CNTLN: variants seen among roughly 807,000 people sequenced by gnomAD.
CNTLN encodes the protein centlein, centrosomal protein.
A neutral mutation model predicts 180.0 loss-of-function variants in CNTLN; 212 were observed. That is an observed-to-expected ratio of 1.18 (90% CI 1.05 to 1.32). The LOEUF (loss-of-function observed/expected upper bound fraction) is 1.32. CNTLN is among the 40% of genes most tolerant of loss of function. CNTLN has a pLI of 0.00. For missense variants in CNTLN, 2,095 were observed against 1,610.9 expected, an observed-to-expected ratio of 1.30 and a Z score of -5.14; for synonymous variants, 722 against 563.1, an observed-to-expected ratio of 1.28 and a Z score of -3.99.
chr9:17,152,056 C>G (rs907527507), intron 2 of CNTLN, among the ~76,000 whole-genome samples: 1 of 151,926 alleles, frequency 6.6e-6, no homozygotes, highest in Non-Finnish European at 1.5e-5. Context: ...TTGCTTTTCT[C>G]CTTTATTAGT....
chr9:17,154,092 T>C (rs114397203), intron 2 of CNTLN, among the ~76,000 whole-genome samples: 1 of 152,108 alleles, frequency 6.6e-6, no homozygotes, highest in South Asian at 2.1e-4. Context: ...CTTGCATTAG[T>C]TTAGAACATG....
chr9:17,404,084 G>A (rs913430456), intron 15 of CNTLN, among the ~76,000 whole-genome samples: 1 of 151,738 alleles, frequency 6.6e-6, no homozygotes, highest in Non-Finnish European at 1.5e-5. Context: ...CTAAAAGACA[G>A]AGTTTATGGC....
intron 8 of CNTLN, among the ~76,000 whole-genome samples, chr9:17,326,149 A>G (rs2133078226): frequency 6.6e-6 from 1 of 152,228 alleles, no homozygotes; most frequent in African/African-American, 2.4e-5. Flanking sequence ...TGTGTTAACA[A>G]TGGCAATTTA....
At chr9:17,491,021 C>G (rs1588106298) in intron 25 of CNTLN, among the ~76,000 whole-genome samples, 1 of 152,028 alleles carries the variant, frequency 6.6e-6, no homozygotes, top group Admixed American at 6.6e-5. Flanking sequence ...GTTCACATAT[C>G]CAAACAAGGA....
chr9:17,185,771 T>TTGTGTGTGTGTGTGTGTGTG lies in CNTLN; in HGVS notation c.450-40420_450-40401dup, dbSNP rs371473319. ...CTTTGCTTTTTGAAATGTTTCCCAT[T>TTGTGTGTGTGTGTGTGTGTG]TGTGTGTGTGTGTGTGTGTGTGTGT... On this transcript the variant is annotated intron_variant, in intron 2 of 25. Coordinates refer to ENST00000380647, the MANE Select transcript of CNTLN (RefSeq NM_017738.4). 5.8e-3 allele frequency among the ~76,000 whole-genome samples: 829 copies of TTGTGTGTGTGTGTGTGTGTG among 143,696 alleles called. 10 individuals are homozygous for TTGTGTGTGTGTGTGTGTGTG. Among genetic ancestry groups the TTGTGTGTGTGTGTGTGTGTG allele is most frequent in the East Asian group, 0.015 (72 of 4,848 alleles). 94.3% of individuals were successfully genotyped at this position (143,696 alleles called of 152,430 possible).
intron 13 of CNTLN, among the ~76,000 whole-genome samples, chr9:17,371,895 AT>A (rs1824350700): frequency 6.6e-6 from 1 of 152,166 alleles, no homozygotes; most frequent in Non-Finnish European, 1.5e-5. Flanking sequence ...TAAGGAGGAA[AT>A]TTAAAAATTT....
At chr9:17,467,556 G>A (rs1588063012) in intron 23 of CNTLN, among the ~76,000 whole-genome samples, 2 of 151,688 alleles carry the variant, frequency 1.3e-5, no homozygotes, top group East Asian at 3.9e-4. Context: ...AAAATGAATT[G>A]ATAAAACATT....
At chr9:17,144,100 A>G (rs1818286009) in intron 2 of CNTLN, among the ~76,000 whole-genome samples, 1 of 152,212 alleles carries the variant, frequency 6.6e-6, no homozygotes, top group Admixed American at 6.5e-5. Flanking sequence ...TCATGATCCT[A>G]AAATCTGAAT....
intron 6 of CNTLN, among the ~76,000 whole-genome samples, chr9:17,295,506 G>C (rs991913617): frequency 6.6e-6 from 1 of 152,136 alleles, no homozygotes; most frequent in African/African-American, 2.4e-5. Context: ...TCTGTGGGTT[G>C]TGCCAGCTGC....
At chr9:17,306,835 C>T (rs995255636) in intron 7 of CNTLN, among the ~76,000 whole-genome samples, 2 of 151,892 alleles carry the variant, frequency 1.3e-5, no homozygotes, top group Admixed American at 6.6e-5. Flanking sequence ...ATAATGCACC[C>T]GAGATTAGAA....
At chr9:17,270,901 C>T (rs1199163936) in intron 5 of CNTLN, among the ~76,000 whole-genome samples, 1 of 149,372 alleles carries the variant, frequency 6.7e-6, no homozygotes, top group African/African-American at 2.5e-5. Flanking sequence ...AAAGTTTTAC[C>T]TTAATTTTGT....
intron 16 of CNTLN, among the ~76,000 whole-genome samples, chr9:17,413,307 C>T (rs919663234): frequency 1.3e-5 from 2 of 152,064 alleles, no homozygotes; most frequent in Non-Finnish European, 1.5e-5. Flanking sequence ...AATCATAAAA[C>T]TTTCAGAAAG....
rs182779640 is a variant in CNTLN at position 17,492,752 on chromosome 9, T to G, written c.4119+5686T>G. 1.8e-4 allele frequency among the ~76,000 whole-genome samples: 28 copies of G among 152,200 alleles called. 1 individual carries two copies. The East Asian group carries it at 4.1e-3, about 22-fold the overall frequency. On this transcript the variant is annotated intron_variant, in intron 25 of 25. Transcript: ENST00000380647. ...GCCTTGGGGTATATCTCCAAAAGAA[T>G]TGGAAGCAGGAACTCAAACAGATAT...
chr9:17,364,509 T>A (rs7848980), intron 12 of CNTLN, among the ~76,000 whole-genome samples: 7 of 151,310 alleles, frequency 4.6e-5, no homozygotes, highest in Non-Finnish European at 1.0e-4. Context: ...TGTTCTTTTT[T>A]AATATATGTT....
At chr9:17,253,131 GTC>G (rs1662076121) in intron 5 of CNTLN, among the ~76,000 whole-genome samples, 1 of 151,644 alleles carries the variant, frequency 6.6e-6, no homozygotes, top group Admixed American at 6.6e-5. Context: ...TGGTCTATGT[GTC>G]TATATTTATA....
chr9:17,504,251 T>C (rs1833889327), downstream of CNTLN, among the ~76,000 whole-genome samples: 1 of 151,094 alleles, frequency 6.6e-6, no homozygotes, highest in Admixed American at 6.6e-5. Flanking sequence ...GTGATGACAC[T>C]GTATACCCAA....
chr9:17,210,931 GT>G (rs1260339931), intron 2 of CNTLN, among the ~76,000 whole-genome samples: 2 of 152,096 alleles, frequency 1.3e-5, no homozygotes, highest in Non-Finnish European at 2.9e-5. Context: ...ATTTGTTTGA[GT>G]TCATTGTAGA....
intron 18 of CNTLN, among the ~76,000 whole-genome samples, chr9:17,424,662 A>G (rs1342675067): frequency 6.6e-6 from 1 of 152,190 alleles, no homozygotes; most frequent in African/African-American, 2.4e-5. Flanking sequence ...TGTGTTGGAA[A>G]CTTAATCCCT....
At chr9:17,372,996 C>T (rs1824455442) in intron 13 of CNTLN, among the ~76,000 whole-genome samples, 1 of 152,090 alleles carries the variant, frequency 6.6e-6, no homozygotes, top group Admixed American at 6.5e-5. Context: ...TAATAAAAGG[C>T]ATATAGGACA....
Sources: allele counts gnomAD v4.1 joint callset (sites outside exome capture counted in the v4.1 genomes callset), GRCh38; gene constraint gnomAD v4.1.1; transcripts MANE v1.5; gene names NCBI Gene and HGNC (gene_info 2026-07-23, HGNC 2026-07-21).